The following MINPP1 variants were observed in gnomAD, a reference collection of about 807,000 sequenced individuals.
The protein encoded by MINPP1 is multiple inositol-polyphosphate phosphatase 1.
Under a neutral mutation model 46.1 loss-of-function variants are expected in MINPP1, and 28 were observed. The observed-to-expected ratio is 0.61, with a 90% CI of 0.45 to 0.83. MINPP1 has a LOEUF of 0.83. Ranked by LOEUF, MINPP1 falls within the 40% of genes least tolerant of loss-of-function variation. The pLI, the probability that MINPP1 is intolerant of heterozygous loss-of-function variation, is 0.00. For missense variants in MINPP1, 603 were observed against 610.0 expected (o/e 0.99, Z 0.12); for synonymous variants, 268 against 249.1 (o/e 1.08, Z -0.72).
Position 87,505,699 on chromosome 10 carries a change from C to T in MINPP1, c.637+147C>T, listed in dbSNP as rs1483352565. ...CCATCATCCCTCGGGCTACGTCCTC[C>T]CTGTCGAGGGATATTACAGACTTGG... On this transcript the variant is annotated intron_variant, in intron 1 of 4. Coordinates refer to ENST00000371996, the MANE Select transcript of MINPP1 (RefSeq NM_004897.5). This position sits in a 1 kb window ranked among gnomAD's most constrained non-coding sequence, Gnocchi z 4.4. The T allele has an allele frequency of 6.9e-6, 5 of 721,294 alleles. No individual in the cohort carries two copies. The highest frequency in any genetic ancestry group is 1.1e-5 in the Non-Finnish European group (5 of 442,444). 44.7% of individuals were successfully genotyped at this position (721,294 alleles called of 1,614,324 possible). A position where few individuals can be genotyped will look rare whatever the true frequency, so the allele number is the denominator to read the frequency against.
chr10:87,511,182 A>G (rs1851329153), intron 2 of MINPP1, among the ~76,000 whole-genome samples: 1 of 152,172 alleles, frequency 6.6e-6, no homozygotes, highest in African/African-American at 2.4e-5. Context: ...TATTAATTAT[A>G]TCTTTTAATT....
In MINPP1 at chr10:87,521,127, A is replaced by G. The variant is rs1344275518; in HGVS notation, c.1025A>G (p.Asp342Gly). 23 of 1,610,966 alleles carry G rather than the reference A, an allele frequency of 1.4e-5. No individual in the cohort carries two copies. Among genetic ancestry groups the G allele is most frequent in the Non-Finnish European group, 1.7e-5 (20 of 1,177,852 alleles). ...NSRSSCTLFQ[D>G]IFQHLDKAVE... ...CGATCCAGCTGCACCTTGTTTCAGGATATCTTTCAGCACTTGGACAAAGCA... is the reference window on the plus strand; with the variant it reads ...CGATCCAGCTGCACCTTGTTTCAGGGTATCTTTCAGCACTTGGACAAAGCA... The change falls in exon 4 of 5, where the codon GAT becomes GGT. Residue 342 changes from aspartate (D) to glycine (G), a missense_variant. Physicochemically the swap from Asp to Gly is moderately conservative, Grantham distance 94. Coordinates refer to ENST00000371996, the MANE Select transcript of MINPP1 (RefSeq NM_004897.5).
At chr10:87,526,798 A>G (rs1479226988) in intron 4 of MINPP1, among the ~76,000 whole-genome samples, 4 of 152,264 alleles carry the variant, frequency 2.6e-5, no homozygotes, top group Non-Finnish European at 5.9e-5. Context: ...TTTATTAAAT[A>G]GGGAATCCTT....
chr10:87,532,963 C>T (rs934126567), intron 4 of MINPP1, among the ~76,000 whole-genome samples: 1 of 145,080 alleles, frequency 6.9e-6, no homozygotes, highest in African/African-American at 2.5e-5. Context: ...TTCCTGATCT[C>T]TTCTATCAAA....
At chr10:87,522,174 AT>A (rs1851511553) in intron 4 of MINPP1, among the ~76,000 whole-genome samples, 1 of 152,180 alleles carries the variant, frequency 6.6e-6, no homozygotes. Flanking sequence ...GAATGAAATA[AT>A]TTTTTGGTAA....
intron 1 of MINPP1, among the ~76,000 whole-genome samples, chr10:87,506,494 C>G (rs1211438814): frequency 6.6e-6 from 1 of 152,132 alleles, no homozygotes; most frequent in African/African-American, 2.4e-5. Context: ...GTATTTTCCC[C>G]TTATCTCAAA....
chr10:87,515,413 A>G (rs1851399527), intron 3 of MINPP1, among the ~76,000 whole-genome samples: 1 of 152,178 alleles, frequency 6.6e-6, no homozygotes, highest in Non-Finnish European at 1.5e-5. Context: ...AAGGAAAAAA[A>G]AGAACTTCTA....
chr10:87,551,506 C>T (rs1017594782), intron 4 of MINPP1, among the ~76,000 whole-genome samples: 1 of 151,952 alleles, frequency 6.6e-6, no homozygotes, highest in African/African-American at 2.4e-5. Context: ...TACTCCCACT[C>T]CCAACCAGAG....
chr10:87,532,172 A>G (rs1851669770), intron 4 of MINPP1, among the ~76,000 whole-genome samples: 1 of 152,180 alleles, frequency 6.6e-6, no homozygotes, highest in Non-Finnish European at 1.5e-5. Context: ...TATTCTTTTC[A>G]AACTTTATGG....
At chr10:87,514,103 T>G (rs1475102669) in intron 3 of MINPP1, among the ~76,000 whole-genome samples, 1 of 152,146 alleles carries the variant, frequency 6.6e-6, no homozygotes, top group African/African-American at 2.4e-5. Flanking sequence ...ATTCATAAGT[T>G]AATCACACTG....
At chr10:87,506,337 T>C (rs561475788) in intron 1 of MINPP1, among the ~76,000 whole-genome samples, 61 of 152,204 alleles carry the variant, frequency 4.0e-4, no homozygotes, top group Admixed American at 9.8e-4. Context: ...CCAAGTCTTC[T>C]GTTTTCCTAG....
rs186861261 is a variant in MINPP1, at chr10:87,542,145, A to G, written c.1068-9937A>G. On this transcript the variant is annotated intron_variant, in intron 4 of 4. Transcript: ENST00000371996. ...CTTCCACCTGTGATCCTGTGAGATCAGAAATGAGTTATTTACTCCCAAGAT... is the reference window on the plus strand; with the variant it reads ...CTTCCACCTGTGATCCTGTGAGATCGGAAATGAGTTATTTACTCCCAAGAT... Among the ~76,000 whole-genome samples, 19 of 152,316 alleles carry G rather than the reference A, an allele frequency of 1.2e-4. No individual in the cohort carries two copies. In the East Asian group the frequency reaches 2.5e-3, roughly 20 times the overall value.
chr10:87,551,837 C>T (rs1421327581), intron 4 of MINPP1, among the ~76,000 whole-genome samples: 1 of 152,046 alleles, frequency 6.6e-6, no homozygotes. Flanking sequence ...AATATGTATG[C>T]ACACTTATAT....
intron 4 of MINPP1, among the ~76,000 whole-genome samples, chr10:87,522,419 A>G (rs1200808312): frequency 6.6e-6 from 1 of 152,218 alleles, no homozygotes; most frequent in Non-Finnish European, 1.5e-5. Context: ...AATAATTCAT[A>G]TGTAGGCATG....
chr10:87,531,080 G>C (rs1851653354), intron 4 of MINPP1, among the ~76,000 whole-genome samples: 1 of 152,306 alleles, frequency 6.6e-6, no homozygotes, highest in Admixed American at 6.5e-5. Flanking sequence ...GGAGTGTCCT[G>C]ATTTTCCAGG....
chr10:87,527,097 C>T (rs1399444436), intron 4 of MINPP1, among the ~76,000 whole-genome samples: 1 of 152,156 alleles, frequency 6.6e-6, no homozygotes, highest in Non-Finnish European at 1.5e-5. Context: ...TCATTGGTAG[C>T]TTAATGAGGA....
chr10:87,521,068 TTGGAAAAGAGG>T lies in MINPP1; in HGVS notation c.967_977del (p.Trp323IlefsTer6). ...AATATTTAAATGATCTGAAACAATA[TTGGAAAAGAGG>T]ATATGGGTATACTATTAACAGTCGA... is the stretch of plus-strand genomic sequence containing the variant. On this transcript the variant is annotated frameshift_variant, in exon 4 of 5. Coordinates refer to ENST00000371996, the MANE Select transcript of MINPP1 (RefSeq NM_004897.5). LOFTEE classifies it high-confidence loss of function. 1 of 1,290,674 alleles carries T rather than the reference TTGGAAAAGAGG, an allele frequency of 7.7e-7. No homozygotes were observed. The highest frequency in any genetic ancestry group is 2.3e-5 in the East Asian group (1 of 43,052). The allele number at this position is 1,290,674 out of a possible 1,614,324, so 80.0% of individuals were successfully genotyped here. A position where few individuals can be genotyped will look rare whatever the true frequency, so the allele number is the denominator to read the frequency against.
At chr10:87,509,247 A>C (rs1431075427) in intron 2 of MINPP1, among the ~76,000 whole-genome samples, 1 of 152,164 alleles carries the variant, frequency 6.6e-6, no homozygotes, top group East Asian at 1.9e-4. Flanking sequence ...ATACATGCAA[A>C]GATTGTAGAT....
At chr10:87,517,850 C>T (rs765830347) in intron 3 of MINPP1, among the ~76,000 whole-genome samples, 22 of 150,896 alleles carry the variant, frequency 1.5e-4, no homozygotes, top group African/African-American at 3.7e-4. Context: ...TTAGTAGAGA[C>T]GGGGTTTTGC....
Sources: gnomAD v4.1 joint callset for allele counts (sites outside exome capture counted in the v4.1 genomes callset) on GRCh38, gnomAD v4.1.1 for gene constraint, Gnocchi (gnomAD v3.1) non-coding constraint, MANE v1.5 for transcripts, NCBI Gene and HGNC (gene_info 2026-07-23, HGNC 2026-07-21) for gene names.